The following PAK5 variants were observed in gnomAD, a reference collection of about 807,000 sequenced individuals.
The protein encoded by PAK5 is serine/threonine-protein kinase PAK 5.
PAK5 carries 16 observed loss-of-function variants against 65.9 expected under a neutral mutation model. The observed-to-expected ratio is 0.24, with a 90% confidence interval of 0.16 to 0.37. The LOEUF (loss-of-function observed/expected upper bound fraction) is 0.37, where lower values mean the gene tolerates loss of function less well. PAK5 is among the 10% of genes least tolerant of loss of function. The probability of loss-of-function intolerance (pLI) is 1.00; values close to 1 mark genes in which losing one functional copy is unlikely to be tolerated. For missense variants in PAK5, 785 were observed against 903.9 expected (o/e 0.87, Z 1.69); for synonymous variants, 371 against 354.9 (o/e 1.05, Z -0.51).
intron 3 of PAK5, among the ~76,000 whole-genome samples, chr20:9,610,016 A>G (rs1035511206): frequency 6.6e-6 from 1 of 152,154 alleles, no homozygotes; most frequent in Non-Finnish European, 1.5e-5. Flanking sequence ...TAAATAAGAC[A>G]CAGCCTTTGT....
chr20:9,786,237 G>A (rs186219756), intron 1 of PAK5, among the ~76,000 whole-genome samples: 7 of 152,012 alleles, frequency 4.6e-5, no homozygotes, highest in African/African-American at 1.7e-4. Context: ...TGGAAGGGAG[G>A]CTGGGAAGTT....
chr20:9,749,969 A>C (rs1232342319), intron 1 of PAK5, among the ~76,000 whole-genome samples: 1 of 152,166 alleles, frequency 6.6e-6, no homozygotes, highest in Non-Finnish European at 1.5e-5. Context: ...TAAAAGCTGC[A>C]TTTCATTAAG....
chr20:9,560,779 C>T (rs1375914664), intron 6 of PAK5, among the ~76,000 whole-genome samples: 2 of 152,178 alleles, frequency 1.3e-5, no homozygotes, highest in East Asian at 3.8e-4. Flanking sequence ...CTTGATGGTG[C>T]TTGGCACTTT....
At chr20:9,819,698 T>C (rs909895714) in intron 1 of PAK5, among the ~76,000 whole-genome samples, 15 of 152,276 alleles carry the variant, frequency 9.9e-5, no homozygotes, top group African/African-American at 3.4e-4. Context: ...CTCTGATTTC[T>C]GACTCTAGGG....
chr20:9,566,120 A>C lies in PAK5; in HGVS notation c.1255T>G (p.Ser419Ala). 1 of 1,613,816 alleles carries C rather than the reference A, an allele frequency of 6.2e-7. No homozygotes were observed. Among genetic ancestry groups the C allele is most frequent in the Non-Finnish European group, 8.5e-7 (1 of 1,179,902 alleles). Residue 419 changes from serine (S) to alanine (A), a missense_variant, in exon 5 of 10, where the codon TCC (serine) becomes GCC (alanine). Ser to Ala is a moderately conservative substitution (Grantham distance 99, BLOSUM62 1). Coordinates refer to ENST00000353224, the MANE Select transcript of PAK5 (RefSeq NM_177990.4). ...ACCCTGGAGGGCTGCTGGTCGGAGG[A>C]GGAGCCCCAGCTGGGCGGCGGGTAG... The part of the protein sequence containing the change: ...STYPPPSWGS[S>A]SDQQPSRVSH...
chr20:9,680,833 T>A (rs2123401717), intron 2 of PAK5, among the ~76,000 whole-genome samples: 1 of 152,312 alleles, frequency 6.6e-6, no homozygotes, highest in South Asian at 2.1e-4. Context: ...AAAGGGACAT[T>A]CCTACCCTAG....
chr20:9,587,107 G>GT (rs1161719491), intron 3 of PAK5, among the ~76,000 whole-genome samples: 2 of 152,038 alleles, frequency 1.3e-5, no homozygotes. Context: ...GTACTTATAA[G>GT]TGCTAGTTAC....
intron 2 of PAK5, among the ~76,000 whole-genome samples, chr20:9,666,832 G>A (rs2047426701): frequency 6.6e-6 from 1 of 152,170 alleles, no homozygotes; most frequent in Non-Finnish European, 1.5e-5. Context: ...ACTATTCTTA[G>A]TTTTAGATGA....
intron 1 of PAK5, among the ~76,000 whole-genome samples, chr20:9,735,972 G>A (rs2123568443): frequency 6.6e-6 from 1 of 150,770 alleles, no homozygotes; most frequent in Admixed American, 6.6e-5. Context: ...CATGATCTTG[G>A]CTCACCACAA....
At chr20:9,672,561 T>A (rs575050656) in intron 2 of PAK5, among the ~76,000 whole-genome samples, 3 of 152,048 alleles carry the variant, frequency 2.0e-5, no homozygotes, top group African/African-American at 7.2e-5. Flanking sequence ...CCTGCTGCCA[T>A]GTAAGATGTA....
chr20:9,616,536 C>T (rs1035216379), intron 3 of PAK5, among the ~76,000 whole-genome samples: 3 of 152,202 alleles, frequency 2.0e-5, no homozygotes, highest in Non-Finnish European at 4.4e-5. Flanking sequence ...ATACATCCCC[C>T]GGGCATCTTG....
intron 3 of PAK5, among the ~76,000 whole-genome samples, chr20:9,602,747 CATCA>C (rs1279215507): frequency 1.3e-5 from 2 of 152,314 alleles, no homozygotes; most frequent in East Asian, 3.9e-4. Context: ...GGATCCTCTT[CATCA>C]ATCAAAGTTC....
chr20:9,762,295 C>A (rs541511286), intron 1 of PAK5, among the ~76,000 whole-genome samples: 12 of 151,960 alleles, frequency 7.9e-5, no homozygotes, highest in Non-Finnish European at 1.5e-4. Flanking sequence ...TTCTGCATAG[C>A]AAAGGAAACA....
intron 2 of PAK5, among the ~76,000 whole-genome samples, chr20:9,655,500 C>T (rs1295235466): frequency 1.3e-5 from 2 of 151,864 alleles, no homozygotes; most frequent in Admixed American, 6.6e-5. Flanking sequence ...TATCAGCACA[C>T]ATATCACTTG....
intron 1 of PAK5, among the ~76,000 whole-genome samples, chr20:9,798,194 G>A (rs1030571946): frequency 3.3e-5 from 5 of 152,106 alleles, no homozygotes; most frequent in African/African-American, 1.2e-4. Flanking sequence ...CAATTCTTAG[G>A]AGAAGTTTGA....
chr20:9,740,649 G>T (rs914597142), intron 1 of PAK5, among the ~76,000 whole-genome samples: 1 of 152,204 alleles, frequency 6.6e-6, no homozygotes, highest in Non-Finnish European at 1.5e-5. Context: ...TGGCTAGCCT[G>T]CTGGAAGATG....
rs929735376 is a variant in PAK5, at chr20:9,711,366, G to A, written c.-92C>T. 18 of 152,134 alleles carry A rather than the reference G, an allele frequency of 1.2e-4. No homozygotes were observed. Among genetic ancestry groups the A allele is most frequent in the African/African-American group, 3.9e-4 (16 of 41,426 alleles). The allele number at this position is 152,134 out of a possible 1,614,324, so 9.4% of individuals were successfully genotyped here. A position where few individuals can be genotyped will look rare whatever the true frequency, so the allele number is the denominator to read the frequency against. On this transcript the variant is annotated 5_prime_UTR_variant, in exon 2 of 10. Transcript: ENST00000353224. ...ATTCTGCAACTTTTCGCTGGTGCTT[G>A]TCAGTCTTCTTCATTTTTCCTCAGT...
At chr20:9,647,260 C>A (rs6086972) in intron 2 of PAK5, among the ~76,000 whole-genome samples, 46,007 of 152,136 alleles carry the variant, frequency 0.3, 7,139 homozygotes, top group East Asian at 0.38. Context: ...GAAATTACAC[C>A]AATAATTAGC....
intron 1 of PAK5, among the ~76,000 whole-genome samples, chr20:9,775,127 G>A (rs2048874181): frequency 6.6e-6 from 1 of 152,194 alleles, no homozygotes. Flanking sequence ...ACTGGAAAGA[G>A]ACATAAGGAT....
Sources: allele counts gnomAD v4.1 joint callset (sites outside exome capture counted in the v4.1 genomes callset), GRCh38; gene constraint gnomAD v4.1.1; transcripts MANE v1.5; gene names NCBI Gene and HGNC (gene_info 2026-07-23, HGNC 2026-07-21).